RBBP8: variants seen among roughly 807,000 people sequenced by gnomAD.
The protein encoded by RBBP8 is DNA endonuclease RBBP8.
A neutral mutation model predicts 108.3 loss-of-function variants in RBBP8; 88 were observed. That is an observed-to-expected ratio of 0.81 (90% confidence interval 0.68 to 0.97). RBBP8 has a LOEUF of 0.97. Ranked by LOEUF, RBBP8 falls within the 50% of genes least tolerant of loss-of-function variation. RBBP8 has a pLI of 0.00. For missense variants in RBBP8, 1,023 were observed against 1,049.0 expected, an observed-to-expected ratio of 0.98 and a Z score of 0.34; for synonymous variants, 332 against 348.2, an observed-to-expected ratio of 0.95 and a Z score of 0.52.
Position 23,022,244 on chromosome 18 carries a change from C to T in RBBP8, c.2570C>T (p.Pro857Leu). The change falls in exon 18 of 19, where the codon CCT becomes CTT. Residue 857 changes from proline (P) to leucine (L), a missense_variant. By Grantham distance (98) the Pro-to-Leu change is moderately conservative. Coordinates refer to ENST00000327155, the MANE Select transcript of RBBP8 (RefSeq NM_002894.3). ...GAGAATTTTTGGGAAGTTGGTTTTC[C>T]TTCCACTCAGACTTGTATGGAAAGA... Reference protein sequence around the residue: ...TPENFWEVGFPSTQTCMERGY... With the variant: ...TPENFWEVGFLSTQTCMERGY... 1 of 1,611,864 alleles carries T rather than the reference C, an allele frequency of 6.2e-7. No homozygotes were observed. The highest frequency in any genetic ancestry group is 8.5e-7 in the Non-Finnish European group (1 of 1,178,000).
At chr18:23,018,085 C>T (rs146638033) in intron 17 of RBBP8, among the ~76,000 whole-genome samples, 1 of 151,762 alleles carries the variant, frequency 6.6e-6, no homozygotes, top group Non-Finnish European at 1.5e-5. Context: ...GAGTTTTGCT[C>T]TTGTTGCCTA....
At chr18:22,934,661 A>C in intron 1 of RBBP8, 1 of 141,210 alleles carries the variant, frequency 7.1e-6, no homozygotes, top group Non-Finnish European at 1.6e-5. Context: ...TCCTAATCCT[A>C]TCCCTCCCCC....
At chr18:22,924,674 T>TA (rs1395508852) in intron 3 of RBBP8, among the ~76,000 whole-genome samples, 1 of 151,188 alleles carries the variant, frequency 6.6e-6, no homozygotes, top group East Asian at 2.0e-4. Context: ...CCTCCTGCCT[T>TA]AGCCTCCCAA....
chr18:23,003,664 T>G (rs879892656), intron 15 of RBBP8, among the ~76,000 whole-genome samples: 4 of 152,218 alleles, frequency 2.6e-5, no homozygotes, highest in Non-Finnish European at 4.4e-5. Context: ...GGTTTTAATC[T>G]TTGTCACCAA....
rs1442589131 is a variant in RBBP8, at chr18:22,993,751, C to A, written c.1843C>A (p.Gln615Lys). 5.6e-6 allele frequency: 9 copies of A among 1,613,962 alleles called. No individual in the cohort carries two copies. The highest frequency in any genetic ancestry group is 6.8e-6 in the Non-Finnish European group (8 of 1,179,986). The stretch of plus-strand genomic sequence containing the variant: ...TGGTTCTCATGAGCCAATAAAAATA[C>A]AAACCAGGTCAGACCATGGAGGATG... ...SAGSHEPIKI[Q>K]TRSDHGGCEL... The change falls in exon 12 of 19, where the codon CAA (glutamine) becomes AAA (lysine). Residue 615 changes from glutamine to lysine, a missense_variant. Transcript: ENST00000327155.
chr18:22,971,525 C>G (rs1186143444), intron 5 of RBBP8, among the ~76,000 whole-genome samples: 1 of 151,450 alleles, frequency 6.6e-6, no homozygotes, highest in African/African-American at 2.4e-5. Flanking sequence ...ATGGATATTT[C>G]TTTCTGTACC....
At chr18:23,007,654 C>T (rs1469135991) in intron 16 of RBBP8, among the ~76,000 whole-genome samples, 4 of 144,196 alleles carry the variant, frequency 2.8e-5, no homozygotes, top group African/African-American at 7.6e-5. Flanking sequence ...GCCGAGATCG[C>T]GCCACTGCAC....
intron 4 of RBBP8, among the ~76,000 whole-genome samples, chr18:22,953,458 GT>G (rs1358012979): frequency 6.6e-6 from 1 of 152,158 alleles, no homozygotes; most frequent in African/African-American, 2.4e-5. Context: ...TTTTCATTAT[GT>G]TTTTCTTGAA....
At chr18:22,978,211 C>G (rs1008540857) in intron 6 of RBBP8, among the ~76,000 whole-genome samples, 1 of 152,176 alleles carries the variant, frequency 6.6e-6, no homozygotes, top group African/African-American at 2.4e-5. Context: ...AATTATAGGT[C>G]TTTAGGGAAG....
At chr18:22,944,028 C>T (rs533903583) in intron 2 of RBBP8, among the ~76,000 whole-genome samples, 2 of 152,228 alleles carry the variant, frequency 1.3e-5, no homozygotes, top group South Asian at 2.1e-4. Flanking sequence ...TGTTACAATC[C>T]CAGATACTTT....
chr18:23,002,964 A>C (rs770666156), intron 15 of RBBP8, among the ~76,000 whole-genome samples: 1 of 152,222 alleles, frequency 6.6e-6, no homozygotes, highest in Non-Finnish European at 1.5e-5. Context: ...TCAAAGAAAA[A>C]GACTATTTTT....
At chr18:22,958,627 C>G (rs1912798072) in intron 4 of RBBP8, among the ~76,000 whole-genome samples, 1 of 152,172 alleles carries the variant, frequency 6.6e-6, no homozygotes, top group African/African-American at 2.4e-5. Flanking sequence ...CTCACTTCAG[C>G]ATCTACCTCC....
intron 3 of RBBP8, among the ~76,000 whole-genome samples, chr18:22,919,693 A>G (rs908999611): frequency 2.0e-5 from 3 of 152,220 alleles, no homozygotes; most frequent in East Asian, 1.9e-4. Context: ...CTGGGATTAC[A>G]GGGACATGCC....
Position 23,001,657 on chromosome 18 carries a change from T to C in RBBP8, c.2215T>C (p.Cys739Arg). ...DRTTHEEYESCLADSFSQAAD... is the reference protein window; with the variant it reads ...DRTTHEEYESRLADSFSQAAD... ...GACAACACATGAAGAGTATGAATCCTGTTTGGCAGACAGTTTCTCCCAAGC... is the reference window on the plus strand; with the variant it reads ...GACAACACATGAAGAGTATGAATCCCGTTTGGCAGACAGTTTCTCCCAAGC... Residue 739 changes from cysteine (C) to arginine (R), a missense_variant, in exon 15 of 19, where the codon TGT becomes CGT. Physicochemically the swap from Cys to Arg is radical, Grantham distance 180. Coordinates refer to ENST00000327155, the MANE Select transcript of RBBP8 (RefSeq NM_002894.3). 1.2e-6 allele frequency: 2 copies of C among 1,614,158 alleles called. No homozygotes were observed. The highest frequency in any genetic ancestry group is 1.7e-6 in the Non-Finnish European group (2 of 1,180,008).
chr18:23,012,817 A>T (rs2046191640), intron 16 of RBBP8, among the ~76,000 whole-genome samples: 1 of 152,212 alleles, frequency 6.6e-6, no homozygotes, highest in Non-Finnish European at 1.5e-5. Context: ...GCCATCTATG[A>T]CTTTGATAAC....
chr18:23,017,742 T>C (rs1436607744), intron 17 of RBBP8, among the ~76,000 whole-genome samples: 1 of 74,382 alleles, frequency 1.3e-5, no homozygotes, highest in Non-Finnish European at 2.4e-5. Context: ...ATATAAGTTC[T>C]TTTTTTTTTT....
intron 4 of RBBP8, among the ~76,000 whole-genome samples, chr18:22,964,754 A>G (rs909201668): frequency 2.0e-5 from 3 of 151,904 alleles, no homozygotes; most frequent in Non-Finnish European, 2.9e-5. Flanking sequence ...TTCAGCCCCC[A>G]AAAATGCTGG....
intron 3 of RBBP8, 41 bp downstream of exon 3, chr18:22,946,527 T>C (rs748890327): frequency 6.8e-6 from 11 of 1,608,150 alleles, no homozygotes; most frequent in Non-Finnish European, 7.6e-6. Context: ...ATTTATAGAG[T>C]AGTTGATACT....
chr18:22,998,286 C>G (rs966827403), intron 14 of RBBP8, among the ~76,000 whole-genome samples: 2 of 152,146 alleles, frequency 1.3e-5, no homozygotes, highest in Admixed American at 6.6e-5. Context: ...TATAGTTTTA[C>G]AGGTTAACAT....
Sources: gnomAD v4.1 joint callset for allele counts (sites outside exome capture counted in the v4.1 genomes callset) on GRCh38, gnomAD v4.1.1 for gene constraint, MANE v1.5 for transcripts, NCBI Gene and HGNC (gene_info 2026-07-23, HGNC 2026-07-21) for gene names.